RGSL1: variants seen among roughly 807,000 people sequenced by gnomAD.
The protein encoded by RGSL1 is regulator of G protein signaling protein-like.
RGSL1 carries 97 observed loss-of-function variants against 124.7 expected under a neutral mutation model. That is an observed-to-expected ratio of 0.78 (90% CI 0.66 to 0.92). RGSL1 has a LOEUF of 0.92. RGSL1 is among the 40% of genes least tolerant of loss of function. The pLI is 0.00. For synonymous variants in RGSL1, 424 were observed against 438.1 expected, an observed-to-expected ratio of 0.97 and a Z score of 0.40; for missense variants, 1,233 against 1,288.4, an observed-to-expected ratio of 0.96 and a Z score of 0.66.
In RGSL1 at chr1:182,489,221, AT is replaced by A. The variant is rs1220095914; in HGVS notation, c.1717+26del. 3.2e-6 allele frequency: 5 copies of A among 1,542,610 alleles called. No individual in the cohort carries two copies. The highest frequency in any genetic ancestry group is 2.0e-5 in the Admixed American group (1 of 49,788). ...CTAACAGGTCAGAGCAGTCACTGTA[AT>A]TTTTTTGACCTTTACATATGGGCAA... On this transcript the variant is annotated intron_variant, in intron 8 of 21. Coordinates refer to ENST00000294854, the MANE Select transcript of RGSL1 (RefSeq NM_001137669.2).
intron 5 of RGSL1, 194 bp downstream of exon 5, chr1:182,472,751 CCT>C (rs1653951899): frequency 1.9e-6 from 1 of 530,414 alleles, no homozygotes; most frequent in African/African-American, 1.9e-5. Flanking sequence ...CTGGCACTTG[CCT>C]CTCTCTAAGA....
intron 9 of RGSL1, among the ~76,000 whole-genome samples, chr1:182,513,794 G>C (rs1407997229): frequency 6.6e-6 from 1 of 152,032 alleles, no homozygotes; most frequent in Non-Finnish European, 1.5e-5. Flanking sequence ...ATACTTTGGG[G>C]TTAGCTGTCA....
chr1:182,538,571 A>G (rs535458754), intron 14 of RGSL1, among the ~76,000 whole-genome samples: 3 of 152,302 alleles, frequency 2.0e-5, no homozygotes, highest in African/African-American at 7.2e-5. Flanking sequence ...TAGCCAAGTT[A>G]GAATGATCAT....
chr1:182,502,862 A>G (rs948181413), intron 9 of RGSL1, among the ~76,000 whole-genome samples: 1 of 152,070 alleles, frequency 6.6e-6, no homozygotes, highest in African/African-American at 2.4e-5. Flanking sequence ...TTTGGCATGT[A>G]ATGTTTTTAT....
chr1:182,554,953 CT>C, intron 20 of RGSL1: 1 of 485,694 alleles, frequency 2.1e-6, no homozygotes, highest in Non-Finnish European at 3.7e-6. Context: ...AACAATACTG[CT>C]GTGGAAGTGT....
chr1:182,529,826 G>C (rs563246752), intron 11 of RGSL1, among the ~76,000 whole-genome samples: 2 of 152,208 alleles, frequency 1.3e-5, no homozygotes, highest in East Asian at 3.9e-4. Flanking sequence ...GAACACAGCA[G>C]TTTCTGAACA....
intron 9 of RGSL1, among the ~76,000 whole-genome samples, chr1:182,518,543 C>G (rs2477056): frequency 0.86 from 131,525 of 152,148 alleles, 57,174 homozygotes; most frequent in Non-Finnish European, 0.89. Context: ...CGCTTTGCCT[C>G]TCCTCAGGAA....
chr1:182,552,585 C>T (rs1001906077), intron 18 of RGSL1, among the ~76,000 whole-genome samples: 1 of 152,214 alleles, frequency 6.6e-6, no homozygotes. Context: ...GAGCATGGTG[C>T]TCCCCTCTCT....
intron 18 of RGSL1, 141 bp downstream of exon 18, chr1:182,551,350 G>A (rs923796340): frequency 1.4e-5 from 9 of 662,780 alleles, no homozygotes; most frequent in South Asian, 3.7e-5. Flanking sequence ...TGGCCCTCAG[G>A]GAGACAGAGC....
chr1:182,496,394 GGTCT>G (rs556769841), intron 9 of RGSL1, among the ~76,000 whole-genome samples: 61 of 152,234 alleles, frequency 4.0e-4, no homozygotes, highest in African/African-American at 1.3e-3. Context: ...CGGATGGGTA[GGTCT>G]GTCTGTATGC....
chr1:182,537,518 T>G (rs1048291303), intron 14 of RGSL1, among the ~76,000 whole-genome samples: 7 of 152,234 alleles, frequency 4.6e-5, no homozygotes, highest in African/African-American at 1.7e-4. Flanking sequence ...TTTTTAGGTG[T>G]TGGATATTTT....
chr1:182,548,979 T>A (rs1458635553), intron 17 of RGSL1, 155 bp downstream of exon 17: 34 of 868,868 alleles, frequency 3.9e-5, no homozygotes, highest in Non-Finnish European at 5.6e-5. Context: ...CCTCACTCCA[T>A]CCCTCACACA....
chr1:182,540,125 A>T, intron 14 of RGSL1, 122 bp from the exon 15 acceptor site: 1 of 935,458 alleles, frequency 1.1e-6, no homozygotes, highest in East Asian at 2.9e-5. Flanking sequence ...GCAGTAAGTG[A>T]CTATTTCAGT....
intron 6 of RGSL1, among the ~76,000 whole-genome samples, chr1:182,477,126 A>G (rs764096436): frequency 3.9e-5 from 6 of 152,156 alleles, no homozygotes; most frequent in Non-Finnish European, 5.9e-5. Flanking sequence ...GAGCTTTGGG[A>G]CCCAAGTTGG....
chr1:182,457,643 C>T (rs1652455035), intron 2 of RGSL1, among the ~76,000 whole-genome samples: 2 of 152,104 alleles, frequency 1.3e-5, no homozygotes, highest in Admixed American at 1.3e-4. Context: ...GAGCTTCAGC[C>T]CGTCTAGTTT....
intron 10 of RGSL1, among the ~76,000 whole-genome samples, chr1:182,526,279 C>T (rs1173112475): frequency 6.6e-6 from 1 of 152,086 alleles, no homozygotes; most frequent in Non-Finnish European, 1.5e-5. Context: ...CTGAAGACAT[C>T]ATAAGAAAAG....
intron 3 of RGSL1, 58 bp from the exon 4 acceptor site, chr1:182,459,946 T>A (rs1652671773): frequency 6.6e-7 from 1 of 1,522,666 alleles, no homozygotes; most frequent in Admixed American, 2.1e-5. Context: ...CTAAGTTGTA[T>A]TTTTTTAGCA....
intron 7 of RGSL1, 155 bp from the exon 8 acceptor site, chr1:182,488,825 T>G: frequency 1.8e-6 from 1 of 570,994 alleles, no homozygotes; most frequent in South Asian, 2.7e-5. Flanking sequence ...AGGGTGGGGG[T>G]TGGCATGTAA....
chr1:182,474,640 T>C, intron 6 of RGSL1, 98 bp downstream of exon 6: 1 of 1,415,978 alleles, frequency 7.1e-7, no homozygotes, highest in Non-Finnish European at 9.3e-7. Flanking sequence ...AGTGACTATA[T>C]AATTACCCAC....
Sources: allele counts gnomAD v4.1 joint callset (sites outside exome capture counted in the v4.1 genomes callset), GRCh38; gene constraint gnomAD v4.1.1; transcripts MANE v1.5; gene names NCBI Gene and HGNC (gene_info 2026-07-23, HGNC 2026-07-21).